ROBO1: variants seen among roughly 807,000 people sequenced by gnomAD.
ROBO1 encodes the protein roundabout guidance receptor 1, also known as roundabout homolog 1.
ROBO1 carries 149 observed loss-of-function variants against 195.9 expected under a neutral mutation model. That is an observed-to-expected ratio of 0.76 (90% CI 0.67 to 0.87). The LOEUF is 0.87. ROBO1 is among the 40% of genes least tolerant of loss of function. ROBO1 has a pLI of 0.00. For missense variants in ROBO1, 1,933 were observed against 2,068.3 expected, an observed-to-expected ratio of 0.93 and a Z score of 1.27; for synonymous variants, 816 against 733.2, an observed-to-expected ratio of 1.11 and a Z score of -1.82.
intron 9 of ROBO1, 93 bp from the exon 10 acceptor site, chr3:78,686,010 T>C: frequency 9.4e-7 from 1 of 1,065,050 alleles, no homozygotes; most frequent in Non-Finnish European, 1.3e-6. Flanking sequence ...TGTAAAAACA[T>C]ACATATAAAA....
intron 1 of ROBO1, among the ~76,000 whole-genome samples, chr3:79,660,440 C>A (rs140144728): frequency 6.6e-6 from 1 of 152,068 alleles, no homozygotes; most frequent in Non-Finnish European, 1.5e-5. Context: ...GGCTACAATG[C>A]GATCACTCCC....
intron 2 of ROBO1, among the ~76,000 whole-genome samples, chr3:79,495,123 T>C (rs544261743): frequency 6.6e-6 from 1 of 152,324 alleles, no homozygotes; most frequent in South Asian, 2.1e-4. Context: ...TATCTCTAGA[T>C]ACTATATTTA....
At chr3:79,601,835 T>C (rs1944348326) in intron 1 of ROBO1, among the ~76,000 whole-genome samples, 1 of 152,014 alleles carries the variant, frequency 6.6e-6, no homozygotes, top group Non-Finnish European at 1.5e-5. Flanking sequence ...CTGCCTTGAA[T>C]GTGTATGAAA....
At chr3:78,868,490 G>A (rs1259847991) in intron 4 of ROBO1, among the ~76,000 whole-genome samples, 1 of 151,988 alleles carries the variant, frequency 6.6e-6, no homozygotes, top group Non-Finnish European at 1.5e-5. Flanking sequence ...TTTAAATAGT[G>A]GCATCGCTTT....
At chr3:79,490,692 G>C (rs1350160956) in intron 2 of ROBO1, among the ~76,000 whole-genome samples, 1 of 152,162 alleles carries the variant, frequency 6.6e-6, no homozygotes, top group Non-Finnish European at 1.5e-5. Context: ...AGCTGACTTG[G>C]TGCACAGCCA....
intron 4 of ROBO1, among the ~76,000 whole-genome samples, chr3:78,884,450 A>C (rs1030060405): frequency 6.6e-6 from 1 of 151,708 alleles, no homozygotes; most frequent in African/African-American, 2.4e-5. Flanking sequence ...TGTCCTCTGC[A>C]AAAAAAATTC....
intron 1 of ROBO1, among the ~76,000 whole-genome samples, chr3:79,745,061 T>C (rs1703815803): frequency 6.6e-6 from 1 of 152,160 alleles, no homozygotes; most frequent in African/African-American, 2.4e-5. Context: ...AGTGTTTTCG[T>C]GGTTTGTAAG....
intron 29 of ROBO1, among the ~76,000 whole-genome samples, chr3:78,606,436 T>C (rs1703461102): frequency 6.6e-6 from 1 of 152,186 alleles, no homozygotes; most frequent in South Asian, 2.1e-4. Flanking sequence ...TTTTCACACA[T>C]TCATGTTCTT....
intron 2 of ROBO1, among the ~76,000 whole-genome samples, chr3:79,204,432 T>C (rs1260560176): frequency 2.0e-5 from 3 of 152,038 alleles, no homozygotes; most frequent in Admixed American, 1.3e-4. Context: ...CTCCATTCTT[T>C]ATTTATCTAT....
At chr3:79,245,776 A>G (rs992769029) in intron 2 of ROBO1, among the ~76,000 whole-genome samples, 5 of 152,006 alleles carry the variant, frequency 3.3e-5, no homozygotes, top group Non-Finnish European at 5.9e-5. Context: ...GACAACCTAC[A>G]CAGAGTCAAA....
chr3:79,581,186 A>G (rs1943649707), intron 2 of ROBO1, among the ~76,000 whole-genome samples: 1 of 152,086 alleles, frequency 6.6e-6, no homozygotes, highest in Non-Finnish European at 1.5e-5. Context: ...CCTCAGGCAC[A>G]ATTACAACAG....
At chr3:78,933,989 A>G (rs553883762) in intron 4 of ROBO1, among the ~76,000 whole-genome samples, 1 of 152,072 alleles carries the variant, frequency 6.6e-6, no homozygotes, top group African/African-American at 2.4e-5. Flanking sequence ...TTAATTAATG[A>G]AGCATTTTAT....
chr3:79,295,814 T>C (rs891182252), intron 2 of ROBO1, among the ~76,000 whole-genome samples: 2 of 152,108 alleles, frequency 1.3e-5, no homozygotes, highest in African/African-American at 4.8e-5. Context: ...AACAGCCAGT[T>C]TGACTCTTAA....
chr3:78,661,001 A>G (rs1707362401), intron 16 of ROBO1, 29 bp downstream of exon 16: 1 of 1,483,686 alleles, frequency 6.7e-7, no homozygotes, highest in Admixed American at 1.8e-5. Context: ...ACTGCAATGC[A>G]TGGAAATCAA....
At chr3:79,662,564 C>G (rs574884913) in intron 1 of ROBO1, among the ~76,000 whole-genome samples, 2 of 152,002 alleles carry the variant, frequency 1.3e-5, no homozygotes, top group Non-Finnish European at 2.9e-5. Flanking sequence ...TAAAGGAAGT[C>G]GACTTCTGCC....
chr3:78,884,712 GAAGGA>G lies in ROBO1; in HGVS notation c.499+53884_499+53888del, dbSNP rs1230881807. ...GGAAGGAAGGAAGGAAGGAAAGAAA[GAAGGA>G]AAGGAAAGGAAGGAAGGAAGGAAAG... is the stretch of plus-strand genomic sequence containing the variant. On this transcript the variant is annotated intron_variant, in intron 4 of 30. Coordinates refer to ENST00000464233, the MANE Select transcript of ROBO1 (RefSeq NM_002941.4). Among the ~76,000 whole-genome samples, 4 of 142,988 alleles carry G rather than the reference GAAGGA, an allele frequency of 2.8e-5. No homozygotes were observed. In the East Asian group the frequency reaches 6.0e-4, roughly 22 times the overall value. The allele number at this position is 142,988 out of a possible 152,430, so 93.8% of individuals were successfully genotyped here. A position where few individuals can be genotyped will look rare whatever the true frequency, so the allele number is the denominator to read the frequency against.
At chr3:78,621,792 C>T (rs146301092) in intron 26 of ROBO1, among the ~76,000 whole-genome samples, 12 of 152,266 alleles carry the variant, frequency 7.9e-5, no homozygotes, top group African/African-American at 2.6e-4. Context: ...CCTTCATAAA[C>T]ATGTTCAAGA....
At chr3:79,734,284 A>C (rs575509812) in intron 1 of ROBO1, among the ~76,000 whole-genome samples, 5 of 152,146 alleles carry the variant, frequency 3.3e-5, no homozygotes, top group Non-Finnish European at 7.4e-5. Context: ...TGGCTCCTTC[A>C]TAGTTTGTAA....
chr3:79,094,914 CCTCCCTCCCTCTCTCCCTCT>C (rs2079541189), intron 3 of ROBO1, among the ~76,000 whole-genome samples: 1 of 144,784 alleles, frequency 6.9e-6, no homozygotes. Context: ...CCTCCCTTCC[CCTCCCTCCCTCTCTCCCTCT>C]CTCCCTCCTC....
Sources: allele counts gnomAD v4.1 joint callset (sites outside exome capture counted in the v4.1 genomes callset), GRCh38; gene constraint gnomAD v4.1.1; transcripts MANE v1.5; gene names NCBI Gene and HGNC (gene_info 2026-07-23, HGNC 2026-07-21).